AFMID: variants seen among roughly 807,000 people sequenced by gnomAD.
AFMID encodes the protein arylformamidase, also known as kynurenine formamidase.
A neutral mutation model predicts 47.5 loss-of-function variants in AFMID; 39 were observed. The observed-to-expected ratio is 0.82, with a 90% confidence interval of 0.64 to 1.07. AFMID has a LOEUF of 1.07. AFMID is among the 50% of genes least tolerant of loss of function. The pLI is 0.00. For missense variants in AFMID, 375 were observed against 387.5 expected, an observed-to-expected ratio of 0.97 and a Z score of 0.27; for synonymous variants, 130 against 153.2, an observed-to-expected ratio of 0.85 and a Z score of 1.12.
At position 78,204,023 on chromosome 17, in the gene AFMID, CAAAAAA is replaced by C. The variant is rs11308034; in HGVS notation, c.309-619_309-614del. 1.5e-3 allele frequency: 141 copies of C among 93,500 alleles called. 2 individuals are homozygous for C. The highest frequency in any genetic ancestry group is 5.6e-3 in the African/African-American group (134 of 24,062). The allele number at this position is 93,500 out of a possible 1,614,324, so 5.8% of individuals were successfully genotyped here. The stretch of plus-strand genomic sequence containing the variant: ...AGGGTGACAGAGCGAGACTCTGTCT[CAAAAAA>C]AAAAAAAAAAAAAGCTTACATTTAT... On this transcript the variant is annotated intron_variant, in intron 4 of 10. Transcript: ENST00000409257.
At chr17:78,204,619 A>G (rs759357956) in intron 4 of AFMID, 37 bp from the exon 5 acceptor site, 39 of 1,608,324 alleles carry the variant, frequency 2.4e-5, no homozygotes, top group Non-Finnish European at 3.1e-5. Flanking sequence ...GTAGTGGCCA[A>G]GCTGCCTCCA....
rs917895585 is a variant in AFMID, at chr17:78,191,073, C to A, written c.154+13C>A. On this transcript the variant is annotated intron_variant, in intron 2 of 10. Transcript: ENST00000409257. ...ATAGGAATTGAAGGTACTAGTGTGA[C>A]CTCTCCGTGGCCGCATTGGGTGTCC... The A allele has an allele frequency of 5.0e-6, 8 of 1,611,214 alleles. No individual in the cohort carries two copies. The Admixed American group carries it at 1.3e-4, about 27-fold the overall frequency.
intron 1 of AFMID, among the ~76,000 whole-genome samples, chr17:78,188,665 G>C (rs1489441688): frequency 1.3e-5 from 2 of 151,476 alleles, no homozygotes; most frequent in African/African-American, 2.4e-5. Flanking sequence ...GGCGCGATCT[G>C]GGCTCACTGC....
intron 4 of AFMID, 195 bp downstream of exon 4, chr17:78,202,946 C>T: frequency 1.5e-6 from 1 of 661,640 alleles, no homozygotes; most frequent in Non-Finnish European, 2.6e-6. Context: ...CCTGCCTTCT[C>T]CAGCTTCTGG....
intron 2 of AFMID, among the ~76,000 whole-genome samples, chr17:78,198,741 G>A (rs1202998318): frequency 1.3e-5 from 2 of 152,082 alleles, no homozygotes; most frequent in African/African-American, 2.4e-5. Context: ...CCCCAGAGGC[G>A]GAGGTTGCAG....
chr17:78,197,411 T>C (rs1471615992), intron 2 of AFMID: 4 of 537,162 alleles, frequency 7.4e-6, no homozygotes, highest in Middle Eastern at 4.9e-4. Flanking sequence ...TGTGGTAGCA[T>C]GGCCTGGGAG....
At chr17:78,200,489 C>G (rs1203997851) in intron 2 of AFMID, among the ~76,000 whole-genome samples, 1 of 152,174 alleles carries the variant, frequency 6.6e-6, no homozygotes, top group African/African-American at 2.4e-5. Flanking sequence ...GTGTTATTAG[C>G]TAAAGTCAAG....
intron 2 of AFMID, among the ~76,000 whole-genome samples, chr17:78,192,222 G>T (rs539667243): frequency 6.6e-4 from 97 of 147,950 alleles, no homozygotes; most frequent in African/African-American, 2.3e-3. Context: ...TGTTGGTCAG[G>T]CTGGTCTTGA....
rs540417206 is a variant in AFMID, at chr17:78,193,352, C to T, written c.154+2292C>T. 6.7e-4 allele frequency among the ~76,000 whole-genome samples: 77 copies of T among 115,116 alleles called. 1 individual carries two copies. Among genetic ancestry groups the T allele is most frequent in the African/African-American group, 2.5e-3 (72 of 29,238 alleles). The allele number at this position is 115,116 out of a possible 152,430, so 75.5% of individuals were successfully genotyped here. On this transcript the variant is annotated intron_variant, in intron 2 of 10. Transcript: ENST00000409257. ...CGCCACTGCACTCCAGCCTGGGCGA[C>T]AGAGCGAGACTCTGTCTCAAAAAAA... is the stretch of plus-strand genomic sequence containing the variant.
chr17:78,193,632 AG>A (rs1212455002), intron 2 of AFMID, among the ~76,000 whole-genome samples: 1 of 151,736 alleles, frequency 6.6e-6, no homozygotes, highest in African/African-American at 2.4e-5. Context: ...GGATCCTTTG[AG>A]GCCAGGAGTT....
intron 4 of AFMID, chr17:78,203,106 A>G (rs1286945407): frequency 9.3e-6 from 2 of 214,090 alleles, no homozygotes; most frequent in African/African-American, 5.4e-5. Flanking sequence ...TCTAACCCAG[A>G]CTGGAACGCA....
chr17:78,191,360 G>A (rs1283195403), intron 2 of AFMID, among the ~76,000 whole-genome samples: 3 of 152,154 alleles, frequency 2.0e-5, no homozygotes, highest in Non-Finnish European at 4.4e-5. Flanking sequence ...GGTTGGCATA[G>A]GGAGGTGAAG....
At chr17:78,196,628 G>A (rs936550225) in intron 2 of AFMID, among the ~76,000 whole-genome samples, 1 of 151,564 alleles carries the variant, frequency 6.6e-6, no homozygotes, top group Admixed American at 6.6e-5. Context: ...GCAGTGAGTC[G>A]AGACCACGCC....
rs1202405186 is a variant in AFMID, at chr17:78,206,024, A to C, written c.859A>C (p.Thr287Pro). Residue 287 changes from threonine to proline, a missense_variant, in exon 10 of 11, where the codon ACC (threonine) becomes CCC (proline). Thr to Pro is a conservative substitution (Grantham distance 38). Coordinates refer to ENST00000409257, the MANE Select transcript of AFMID (RefSeq NM_001010982.5). ...VDHFEIVENLTQKDNVLTQII... is the reference protein window; with the variant it reads ...VDHFEIVENLPQKDNVLTQII... ...CCACTTTGAAATTGTTGAGAATCTG[A>C]CCCAGAAGGACAACGTGCTCACCCA... is the stretch of plus-strand genomic sequence containing the variant. 6.2e-7 allele frequency: 1 copy of C among 1,613,894 alleles called. No individual in the cohort carries two copies. The highest frequency in any genetic ancestry group is 8.5e-7 in the Non-Finnish European group (1 of 1,180,020).
chr17:78,189,155 T>C (rs56282228), intron 1 of AFMID, among the ~76,000 whole-genome samples: 43,838 of 151,532 alleles, frequency 0.29, 6,378 homozygotes, highest in East Asian at 0.31. Context: ...GCCATGAGGC[T>C]GCCCTGACTT....
rs186331746 is a variant in AFMID, at chr17:78,189,246, G to T, written c.64-1724G>T. ...TTTTTTTTTTTTTTTTTTTGAGATG[G>T]AGTCTCGCTGTTGTCACCCAGGCTA... On this transcript the variant is annotated intron_variant, in intron 1 of 10. Coordinates refer to ENST00000409257, the MANE Select transcript of AFMID (RefSeq NM_001010982.5). Among the ~76,000 whole-genome samples, 22 of 138,230 alleles carry T rather than the reference G, an allele frequency of 1.6e-4. 1 individual carries two copies. Among genetic ancestry groups the T allele is most frequent in the African/African-American group, 6.1e-4 (21 of 34,228 alleles). 90.7% of individuals were successfully genotyped at this position (138,230 alleles called of 152,430 possible).
intron 2 of AFMID, among the ~76,000 whole-genome samples, chr17:78,198,026 C>A (rs553762920): frequency 6.6e-6 from 1 of 151,978 alleles, no homozygotes; most frequent in Non-Finnish European, 1.5e-5. Context: ...CCCTGGAGTT[C>A]GAGAACAGCC....
chr17:78,196,344 G>A (rs1302396948), intron 2 of AFMID, among the ~76,000 whole-genome samples: 1 of 151,878 alleles, frequency 6.6e-6, no homozygotes, highest in Non-Finnish European at 1.5e-5. Flanking sequence ...TAGCCTGGGT[G>A]ACAAAGCGAG....
chr17:78,194,313 C>T (rs973758424), intron 2 of AFMID, among the ~76,000 whole-genome samples: 5 of 151,986 alleles, frequency 3.3e-5, no homozygotes, highest in South Asian at 2.1e-4. Context: ...TTAGTAGAGG[C>T]GGGGTTTCAC....
Sources: gnomAD v4.1 joint callset for allele counts (sites outside exome capture counted in the v4.1 genomes callset) on GRCh38, gnomAD v4.1.1 for gene constraint, MANE v1.5 for transcripts, NCBI Gene and HGNC (gene_info 2026-07-23, HGNC 2026-07-21) for gene names.